RNF220: variants seen among roughly 807,000 people sequenced by gnomAD.
The protein encoded by RNF220 is ring finger protein 220, also known as E3 ubiquitin-protein ligase RNF220.
A neutral mutation model predicts 67.1 loss-of-function variants in RNF220; 7 were observed. That is an observed-to-expected ratio of 0.10 (90% CI 0.06 to 0.20). The LOEUF (loss-of-function observed/expected upper bound fraction) is 0.20, where lower values mean the gene tolerates loss of function less well. RNF220 is among the 10% of genes least tolerant of loss of function. The pLI is 1.00. For missense variants in RNF220, 565 were observed against 740.3 expected (o/e 0.76, Z 2.75); for synonymous variants, 270 against 283.2 (o/e 0.95, Z 0.47).
At chr1:44,487,672 AAATAATAAT>A (rs537638294) in intron 2 of RNF220, among the ~76,000 whole-genome samples, 127 of 142,578 alleles carry the variant, frequency 8.9e-4, no homozygotes, top group African/African-American at 3.0e-3. Flanking sequence ...ATCTCTACTA[AAATAATAAT>A]AATAATAATA....
At chr1:44,607,242 A>C (rs966188660) in intron 2 of RNF220, among the ~76,000 whole-genome samples, 39 of 152,200 alleles carry the variant, frequency 2.6e-4, no homozygotes, top group African/African-American at 9.2e-4. Context: ...CAGTTAGAAT[A>C]ATCTTTTTTA....
chr1:44,642,536 AG>A (rs1178829558), intron 8 of RNF220, among the ~76,000 whole-genome samples: 1 of 152,158 alleles, frequency 6.6e-6, no homozygotes, highest in Non-Finnish European at 1.5e-5. Context: ...GGAGGTGCGG[AG>A]GCATGGGGGC....
intron 8 of RNF220, among the ~76,000 whole-genome samples, chr1:44,637,372 T>C (rs1644359442): frequency 6.6e-6 from 1 of 152,234 alleles, no homozygotes; most frequent in South Asian, 2.1e-4. Context: ...TAGTTTGCCA[T>C]TTCACTCATC....
chr1:44,580,063 A>AAAAGAAAG (rs1200849885), intron 2 of RNF220, among the ~76,000 whole-genome samples: 3 of 148,962 alleles, frequency 2.0e-5, no homozygotes, highest in Non-Finnish European at 4.5e-5. Context: ...AAAAAGAAAG[A>AAAAGAAAG]AAAGAAAGAA....
chr1:44,514,685 T>A (rs1444128172), intron 2 of RNF220, among the ~76,000 whole-genome samples: 1 of 152,196 alleles, frequency 6.6e-6, no homozygotes, highest in Non-Finnish European at 1.5e-5. Context: ...CTTTTTAGAT[T>A]TTTTTAAAAA....
chr1:44,589,268 C>T (rs1665932600), intron 2 of RNF220, among the ~76,000 whole-genome samples: 1 of 152,204 alleles, frequency 6.6e-6, no homozygotes, highest in Non-Finnish European at 1.5e-5. Context: ...CGGCAAGTCA[C>T]CATGTTTCCC....
At chr1:44,553,395 TG>T (rs1182104439) in intron 2 of RNF220, among the ~76,000 whole-genome samples, 1 of 151,992 alleles carries the variant, frequency 6.6e-6, no homozygotes, top group African/African-American at 2.4e-5. Context: ...AATGAATGAA[TG>T]AATGAATGAA....
chr1:44,636,498 C>T (rs748641566), intron 8 of RNF220: 28 of 715,626 alleles, frequency 3.9e-5, no homozygotes, highest in Non-Finnish European at 6.5e-5. Flanking sequence ...ATTTATCACT[C>T]CATCCCTCTT....
intron 6 of RNF220, among the ~76,000 whole-genome samples, chr1:44,633,065 G>C (rs1418441774): frequency 2.0e-5 from 3 of 152,206 alleles, no homozygotes; most frequent in East Asian, 1.9e-4. Flanking sequence ...TATCTGGGGG[G>C]TGGCTGTAAG....
chr1:44,528,385 C>T (rs966734209), intron 2 of RNF220, among the ~76,000 whole-genome samples: 1 of 151,944 alleles, frequency 6.6e-6, no homozygotes, highest in Non-Finnish European at 1.5e-5. Flanking sequence ...ACTGCAAGCT[C>T]CGTCTCCCAG....
intron 2 of RNF220, among the ~76,000 whole-genome samples, chr1:44,517,636 G>A (rs940941823): frequency 3.3e-5 from 5 of 152,166 alleles, no homozygotes; most frequent in African/African-American, 1.2e-4. Flanking sequence ...GCAGCACTGT[G>A]TTTCTTTATA....
intron 3 of RNF220, among the ~76,000 whole-genome samples, chr1:44,618,154 G>T (rs574400846): frequency 8.5e-5 from 13 of 152,274 alleles, no homozygotes; most frequent in Admixed American, 3.9e-4. Context: ...ACAGCACAAA[G>T]CACACCCCAC....
At chr1:44,533,366 C>A (rs1660970092) in intron 2 of RNF220, among the ~76,000 whole-genome samples, 1 of 151,994 alleles carries the variant, frequency 6.6e-6, no homozygotes, top group South Asian at 2.1e-4. Flanking sequence ...GTGGTGCATG[C>A]CTGTAGTCCT....
intron 2 of RNF220, among the ~76,000 whole-genome samples, chr1:44,479,655 G>A (rs115200393): frequency 0.01 from 1,530 of 152,218 alleles, 22 homozygotes; most frequent in African/African-American, 0.035. Flanking sequence ...AAACAGTATC[G>A]TTCTTGCCGC....
intron 2 of RNF220, among the ~76,000 whole-genome samples, chr1:44,509,549 CAAA>C (rs11322224): frequency 0.021 from 2,669 of 124,848 alleles, 33 homozygotes; most frequent in Non-Finnish European, 0.03. Context: ...GACTCTGTCT[CAAA>C]AAAAAAAAAA....
At chr1:44,557,525 A>G (rs1182189025) in intron 2 of RNF220, among the ~76,000 whole-genome samples, 2 of 152,118 alleles carry the variant, frequency 1.3e-5, no homozygotes, top group East Asian at 3.8e-4. Context: ...GGCACTCTGA[A>G]CTGAAATACC....
intron 6 of RNF220, among the ~76,000 whole-genome samples, chr1:44,633,082 A>G (rs527624876): frequency 6.6e-6 from 1 of 152,254 alleles, no homozygotes; most frequent in South Asian, 2.1e-4. Flanking sequence ...TAAGGGGTTT[A>G]GGGTCTCTGG....
chr1:44,503,310 G>A lies in RNF220; in HGVS notation c.625+90588G>A, dbSNP rs1227293951. On this transcript the variant is annotated intron_variant, in intron 2 of 14. Coordinates refer to ENST00000361799, the MANE Select transcript of RNF220 (RefSeq NM_018150.4). ...GATTGCGCTACTGCACTCCAGCCTG[G>A]GTGACAGAGCCAGATGCTGTCTCAA... Among the ~76,000 whole-genome samples, 35 of 143,562 alleles carry A rather than the reference G, an allele frequency of 2.4e-4. 1 individual carries two copies. In the Admixed American group the frequency reaches 2.5e-3, roughly 10 times the overall value. The allele number at this position is 143,562 out of a possible 152,430, so 94.2% of individuals were successfully genotyped here. A position where few individuals can be genotyped will look rare whatever the true frequency, so the allele number is the denominator to read the frequency against.
At chr1:44,505,507 G>T (rs1658335908) in intron 2 of RNF220, among the ~76,000 whole-genome samples, 1 of 152,264 alleles carries the variant, frequency 6.6e-6, no homozygotes, top group African/African-American at 2.4e-5. Context: ...CTGGCCCGCA[G>T]CAGGGAAGCC....
Sources: gnomAD v4.1 joint callset for allele counts (sites outside exome capture counted in the v4.1 genomes callset) on GRCh38, gnomAD v4.1.1 for gene constraint, MANE v1.5 for transcripts, NCBI Gene and HGNC (gene_info 2026-07-23, HGNC 2026-07-21) for gene names.